AKAP6: variants seen among roughly 807,000 people sequenced by gnomAD.
The protein encoded by AKAP6 is A-kinase anchoring protein 6.
A neutral mutation model predicts 188.5 loss-of-function variants in AKAP6; 58 were observed. The observed-to-expected ratio is 0.31, with a 90% CI of 0.25 to 0.38. The LOEUF is 0.38. Among genes scored for constraint, AKAP6 ranks in the 10% least tolerant of loss-of-function variants. The pLI, the probability that AKAP6 is intolerant of heterozygous loss-of-function variation, is 1.00. For missense variants in AKAP6, 2,710 were observed against 2,740.0 expected (o/e 0.99, Z 0.24); for synonymous variants, 989 against 998.6 (o/e 0.99, Z 0.18).
At chr14:32,646,091 A>T (rs923610263) in intron 7 of AKAP6, among the ~76,000 whole-genome samples, 8 of 152,094 alleles carry the variant, frequency 5.3e-5, no homozygotes, top group African/African-American at 1.9e-4. Flanking sequence ...ATTGCTTGAT[A>T]GATTTGTTAA....
chr14:32,352,105 G>GTGTGTGTGTGTGTGTT (rs1887302972), intron 1 of AKAP6, among the ~76,000 whole-genome samples: 1 of 66,504 alleles, frequency 1.5e-5, no homozygotes, highest in East Asian at 5.1e-4. Flanking sequence ...GTGTGTGTTT[G>GTGTGTGTGTGTGTGTT]TGTGTGTGTG....
At chr14:32,423,476 G>A (rs1047649212) in intron 1 of AKAP6, among the ~76,000 whole-genome samples, 8 of 152,116 alleles carry the variant, frequency 5.3e-5, no homozygotes, top group African/African-American at 1.9e-4. Flanking sequence ...ACCATGCCTA[G>A]CCATAACTTA....
intron 7 of AKAP6, among the ~76,000 whole-genome samples, chr14:32,616,093 C>CA (rs1453741428): frequency 6.6e-6 from 1 of 151,852 alleles, no homozygotes; most frequent in Non-Finnish European, 1.5e-5. Context: ...ATTAAAAAGA[C>CA]AAAAAATAAC....
chr14:32,731,784 A>G (rs2031187034), intron 9 of AKAP6, among the ~76,000 whole-genome samples: 1 of 152,108 alleles, frequency 6.6e-6, no homozygotes, highest in Non-Finnish European at 1.5e-5. Flanking sequence ...TATCTCCAGC[A>G]AAACATCTTT....
intron 2 of AKAP6, among the ~76,000 whole-genome samples, chr14:32,488,783 G>T (rs1294538233): frequency 6.6e-6 from 1 of 152,114 alleles, no homozygotes; most frequent in East Asian, 1.9e-4. Context: ...CTGACCCCTT[G>T]TGCTTCCCAG....
At chr14:32,487,234 G>C (rs536632878) in intron 2 of AKAP6, among the ~76,000 whole-genome samples, 2 of 152,302 alleles carry the variant, frequency 1.3e-5, no homozygotes, top group East Asian at 3.9e-4. Context: ...TTTTATTGAA[G>C]ATTTTCACAT....
At chr14:32,756,652 A>C (rs1594915536) in intron 11 of AKAP6, among the ~76,000 whole-genome samples, 2 of 152,168 alleles carry the variant, frequency 1.3e-5, no homozygotes, top group South Asian at 4.1e-4. Flanking sequence ...AATGGCCTGG[A>C]GGCTATCTCT....
At chr14:32,613,331 G>A (rs894391361) in intron 7 of AKAP6, among the ~76,000 whole-genome samples, 2 of 152,146 alleles carry the variant, frequency 1.3e-5, no homozygotes, top group African/African-American at 4.8e-5. Context: ...CATTTTTAAG[G>A]GAATTAGACC....
chr14:32,514,226 G>A (rs755193191), intron 2 of AKAP6, among the ~76,000 whole-genome samples: 12 of 152,168 alleles, frequency 7.9e-5, no homozygotes, highest in South Asian at 4.1e-4. Context: ...AAAGGACTTT[G>A]ATCCTATGAG....
chr14:32,477,035 A>G lies in AKAP6; in HGVS notation c.324+43218A>G, dbSNP rs535839236. 1.2e-4 allele frequency among the ~76,000 whole-genome samples: 18 copies of G among 152,322 alleles called. No homozygotes were observed. The South Asian group carries it at 3.3e-3, about 28-fold the overall frequency. ...AAGCTTTATCTAAAAATTTGTGATC[A>G]GCAGAAAAGAAAGTTAGCTCTGGCT... is the stretch of plus-strand genomic sequence containing the variant. On this transcript the variant is annotated intron_variant, in intron 2 of 13. Coordinates refer to ENST00000280979, the MANE Select transcript of AKAP6 (RefSeq NM_004274.5).
chr14:32,465,194 C>G (rs1878336123), intron 2 of AKAP6, among the ~76,000 whole-genome samples: 1 of 152,100 alleles, frequency 6.6e-6, no homozygotes, highest in South Asian at 2.1e-4. Flanking sequence ...AGTGCTATTC[C>G]CATCAAGCTA....
intron 4 of AKAP6, among the ~76,000 whole-genome samples, chr14:32,548,396 G>A (rs140556416): frequency 0.035 from 5,210 of 150,040 alleles, 296 homozygotes; most frequent in African/African-American, 0.12. Context: ...GCCACTGTGC[G>A]TGGCCCATAC....
chr14:32,464,857 A>C (rs1449559148), intron 2 of AKAP6, among the ~76,000 whole-genome samples: 1 of 152,236 alleles, frequency 6.6e-6, no homozygotes, highest in Non-Finnish European at 1.5e-5. Flanking sequence ...CCATTGTCTC[A>C]GCGCAGAAAC....
intron 7 of AKAP6, among the ~76,000 whole-genome samples, chr14:32,671,493 A>ATT (rs34330213): frequency 1.8e-4 from 26 of 146,956 alleles, no homozygotes; most frequent in South Asian, 4.3e-4. Context: ...TTTTCTCTCT[A>ATT]TTTTTTTTTT....
intron 2 of AKAP6, among the ~76,000 whole-genome samples, chr14:32,470,844 C>T (rs952417781): frequency 2.0e-5 from 3 of 152,136 alleles, no homozygotes; most frequent in South Asian, 2.1e-4. Flanking sequence ...AGTTAGTTTA[C>T]TACAAGAGCA....
intron 5 of AKAP6, among the ~76,000 whole-genome samples, chr14:32,594,178 T>C (rs959995983): frequency 6.6e-6 from 1 of 152,240 alleles, no homozygotes; most frequent in African/African-American, 2.4e-5. Context: ...TTAGATAGTA[T>C]GATTTCCATT....
rs141221768 is a variant in AKAP6, at chr14:32,358,923, A to G, written c.-35+29515A>G. ...GTAAAACGCTGCATCAGAGCAGAGC[A>G]GACACCTGCTGAGGTCCCAGGTGCA... is the stretch of plus-strand genomic sequence containing the variant. On this transcript the variant is annotated intron_variant, in intron 1 of 13. Coordinates refer to ENST00000280979, the MANE Select transcript of AKAP6 (RefSeq NM_004274.5). Among the ~76,000 whole-genome samples, 51 of 152,312 alleles carry G rather than the reference A, an allele frequency of 3.3e-4. No individual in the cohort carries two copies. The East Asian group carries it at 9.3e-3, about 28-fold the overall frequency.
chr14:32,633,108 A>G (rs1042247060), intron 7 of AKAP6, among the ~76,000 whole-genome samples: 1 of 152,104 alleles, frequency 6.6e-6, no homozygotes, highest in African/African-American at 2.4e-5. Context: ...TTTAATTGTA[A>G]TGAAACAGTA....
chr14:32,512,914 G>C (rs1477363468), intron 2 of AKAP6, among the ~76,000 whole-genome samples: 1 of 152,126 alleles, frequency 6.6e-6, no homozygotes, highest in African/African-American at 2.4e-5. Context: ...GTAAACATAA[G>C]TTTATATAAA....
Sources: gnomAD v4.1 joint callset for allele counts (sites outside exome capture counted in the v4.1 genomes callset) on GRCh38, gnomAD v4.1.1 for gene constraint, MANE v1.5 for transcripts, NCBI Gene and HGNC (gene_info 2026-07-23, HGNC 2026-07-21) for gene names.